Variants in RNF38 observed in about 807,000 individuals in gnomAD.
RNF38 encodes the protein E3 ubiquitin-protein ligase RNF38.
A neutral mutation model predicts 67.2 loss-of-function variants in RNF38; 15 were observed. That is an observed-to-expected ratio of 0.22 (90% CI 0.15 to 0.34). The LOEUF is 0.34. Among genes scored for constraint, RNF38 ranks in the 10% least tolerant of loss-of-function variants. The pLI is 1.00. For synonymous variants in RNF38, 220 were observed against 218.8 expected, an observed-to-expected ratio of 1.01 and a Z score of -0.05; for missense variants, 524 against 639.9, an observed-to-expected ratio of 0.82 and a Z score of 1.95.
intron 2 of RNF38, among the ~76,000 whole-genome samples, chr9:36,408,141 C>T (rs1351430588): frequency 6.6e-6 from 1 of 152,096 alleles, no homozygotes. Flanking sequence ...ACCTGTCACC[C>T]AGGTTGAGGT....
intron 1 of RNF38, among the ~76,000 whole-genome samples, chr9:36,482,958 G>A (rs1840311936): frequency 6.6e-6 from 1 of 152,182 alleles, no homozygotes; most frequent in Non-Finnish European, 1.5e-5. Context: ...CCCCTTCTCT[G>A]AGTGCACACA....
At chr9:36,437,413 T>C (rs887787072) in intron 1 of RNF38, among the ~76,000 whole-genome samples, 1 of 152,136 alleles carries the variant, frequency 6.6e-6, no homozygotes, top group Non-Finnish European at 1.5e-5. Flanking sequence ...CTAAAATTAG[T>C]CCCACATCAT....
chr9:36,430,597 A>G (rs1838907390), intron 1 of RNF38, among the ~76,000 whole-genome samples: 1 of 152,124 alleles, frequency 6.6e-6, no homozygotes, highest in African/African-American at 2.4e-5. Context: ...AAGAAAGAAT[A>G]TGTGTGGAGA....
intron 1 of RNF38, among the ~76,000 whole-genome samples, chr9:36,442,507 C>T (rs116407604): frequency 0.039 from 5,906 of 152,288 alleles, 359 homozygotes; most frequent in African/African-American, 0.13. Flanking sequence ...ACCTGCCAGG[C>T]GCAGTGGCTC....
At position 36,411,736 on chromosome 9, in the gene RNF38, A is replaced by AT. The variant is rs140450046; in HGVS notation, n.312+12876dup. On this transcript the variant is annotated intron_variant and non_coding_transcript_variant, in intron 2 of 3. Coordinates refer to the RNF38 transcript ENST00000488058. ...GCCACCACACTGGACTAACTTTTGT[A>AT]TTTTTTTTTTTTTAGCAGAGACAAG... Among the ~76,000 whole-genome samples, 1,311 of 143,018 alleles carry AT rather than the reference A, an allele frequency of 9.2e-3. 15 individuals are homozygous for AT. Among genetic ancestry groups the AT allele is most frequent in the African/African-American group, 0.026 (1,003 of 39,030 alleles). 93.8% of individuals were successfully genotyped at this position (143,018 alleles called of 152,430 possible). A position where few individuals can be genotyped will look rare whatever the true frequency, so the allele number is the denominator to read the frequency against.
intron 1 of RNF38, among the ~76,000 whole-genome samples, chr9:36,429,620 C>G (rs1484340211): frequency 6.6e-6 from 1 of 151,958 alleles, no homozygotes. Context: ...AAGATGAAAC[C>G]CTGCCTTTAT....
intron 1 of RNF38, among the ~76,000 whole-genome samples, chr9:36,455,490 T>C (rs770265046): frequency 8.6e-5 from 13 of 151,984 alleles, no homozygotes; most frequent in South Asian, 6.2e-4. Context: ...AGTTTAAAAG[T>C]GCACTCATTT....
chr9:36,467,232 A>AAT (rs201500514), intron 1 of RNF38, among the ~76,000 whole-genome samples: 3,019 of 91,056 alleles, frequency 0.033, 203 homozygotes, highest in African/African-American at 0.11. Flanking sequence ...ATATATATAT[A>AAT]ATATATATAT....
chr9:36,480,610 G>A (rs2134450344), intron 1 of RNF38, among the ~76,000 whole-genome samples: 1 of 134,912 alleles, frequency 7.4e-6, no homozygotes, highest in East Asian at 2.2e-4. Context: ...GGAGGGCAGT[G>A]GCACCATCTC....
chr9:36,487,050 C>T (rs1840431133), intron 1 of RNF38, among the ~76,000 whole-genome samples: 1 of 152,204 alleles, frequency 6.6e-6, no homozygotes, highest in Non-Finnish European at 1.5e-5. Flanking sequence ...GTTTCCTCCT[C>T]CGCCGAGCAG....
At chr9:36,440,333 C>G (rs929779791) in intron 1 of RNF38, among the ~76,000 whole-genome samples, 17 of 152,062 alleles carry the variant, frequency 1.1e-4, no homozygotes, top group African/African-American at 4.1e-4. Flanking sequence ...CACCTGAGGT[C>G]AGGAGCCTGA....
chr9:36,395,725 A>G (rs991204565), intron 1 of RNF38, among the ~76,000 whole-genome samples: 1 of 152,240 alleles, frequency 6.6e-6, no homozygotes, highest in African/African-American at 2.4e-5. Context: ...ATACCAAAAT[A>G]CGAGAAAAGC....
In RNF38 at chr9:36,356,373, G is replaced by A; in HGVS notation, c.839C>T (p.Ser280Phe). 1 of 1,614,118 alleles carries A rather than the reference G, an allele frequency of 6.2e-7. No individual in the cohort carries two copies. The highest frequency in any genetic ancestry group is 8.5e-7 in the Non-Finnish European group (1 of 1,180,022). Residue 280 changes from serine to phenylalanine, a missense_variant, in exon 6 of 12, where the codon TCT (serine) becomes TTT (phenylalanine). By Grantham distance (155) the Ser-to-Phe change is radical. This residue lies in a region of RNF38 where 461 missense variants were observed against 517.4 expected (regional missense o/e 0.89). Coordinates refer to ENST00000259605, the MANE Select transcript of RNF38 (RefSeq NM_022781.5). ...DPFLIHPPHL[S>F]PHHPPHLPPP... ...TGGCAAATGAGGAGGATGATGGGGA[G>A]AAAGGTGAGGAGGATGTATAAGAAA...
chr9:36,468,741 G>C (rs543397235), intron 1 of RNF38, among the ~76,000 whole-genome samples: 1 of 152,086 alleles, frequency 6.6e-6, no homozygotes, highest in South Asian at 2.1e-4. Context: ...GAACCTGGGA[G>C]GCAGAGGTTG....
At chr9:36,382,327 AAGGAAAGGC>A (rs1404996438) in intron 2 of RNF38, among the ~76,000 whole-genome samples, 1 of 152,190 alleles carries the variant, frequency 6.6e-6, no homozygotes, top group African/African-American at 2.4e-5. Context: ...GGGAGGAAGG[AAGGAAAGGC>A]AGGTTTTATG....
At chr9:36,409,308 AAAG>A (rs1448594896) in intron 2 of RNF38, among the ~76,000 whole-genome samples, 3 of 147,250 alleles carry the variant, frequency 2.0e-5, no homozygotes, top group Non-Finnish European at 4.5e-5. Flanking sequence ...AGAGAAAGAA[AAAG>A]AAAGAAAGAA....
At chr9:36,402,905 T>G (rs1838089536), upstream of RNF38, among the ~76,000 whole-genome samples, 1 of 152,080 alleles carries the variant, frequency 6.6e-6, no homozygotes. Context: ...CAGGCTGGAG[T>G]GCAATGGCTG....
At chr9:36,441,934 A>G (rs1000311282) in intron 1 of RNF38, among the ~76,000 whole-genome samples, 2 of 152,220 alleles carry the variant, frequency 1.3e-5, no homozygotes, top group Non-Finnish European at 2.9e-5. Flanking sequence ...TACAGTGAAC[A>G]TCAGATTATA....
chr9:36,466,761 T>C (rs1159761608), intron 1 of RNF38, among the ~76,000 whole-genome samples: 1 of 152,192 alleles, frequency 6.6e-6, no homozygotes, highest in East Asian at 1.9e-4. Context: ...CACTGACCTC[T>C]GCAGGATTCA....
Sources: allele counts gnomAD v4.1 joint callset (sites outside exome capture counted in the v4.1 genomes callset), GRCh38; gene constraint gnomAD v4.1.1; regional missense constraint gnomAD v4.1.1; transcripts MANE v1.5; gene names NCBI Gene and HGNC (gene_info 2026-07-23, HGNC 2026-07-21).